STARD13: variants seen among roughly 807,000 people sequenced by gnomAD.
The protein encoded by STARD13 is stAR-related lipid transfer protein 13.
Under a neutral mutation model 106.4 loss-of-function variants are expected in STARD13, and 62 were observed. That is an observed-to-expected ratio of 0.58 (90% confidence interval 0.48 to 0.72). The LOEUF (loss-of-function observed/expected upper bound fraction) is 0.72. Among genes scored for constraint, STARD13 ranks in the 30% least tolerant of loss-of-function variants. The pLI, the probability that STARD13 is intolerant of heterozygous loss-of-function variation, is 0.00. For synonymous variants in STARD13, 565 were observed against 553.0 expected, an observed-to-expected ratio of 1.02 and a Z score of -0.31; for missense variants, 1,387 against 1,424.0, an observed-to-expected ratio of 0.97 and a Z score of 0.42.
At chr13:33,481,859 GT>G in the STARD13 span, among the ~76,000 whole-genome samples, 2 of 106,172 alleles carry the variant, frequency 1.9e-5, no homozygotes, top group African/African-American at 9.5e-5. Flanking sequence ...GCGGGCGCCT[GT>G]AAGTCCCAGC....
chr13:33,629,092 T>C, the STARD13 span, among the ~76,000 whole-genome samples: 1 of 152,232 alleles, frequency 6.6e-6, no homozygotes, highest in Non-Finnish European at 1.5e-5. Flanking sequence ...AAGAGACAGC[T>C]CTACTTCTTG....
At chr13:33,516,879 T>G in the STARD13 span, among the ~76,000 whole-genome samples, 1 of 150,648 alleles carries the variant, frequency 6.6e-6, no homozygotes, top group South Asian at 2.1e-4. Flanking sequence ...AGTTCGAGGT[T>G]GTAGTGAGCT....
At chr13:33,114,977 T>C (rs1875154668) in intron 8 of STARD13, among the ~76,000 whole-genome samples, 1 of 152,082 alleles carries the variant, frequency 6.6e-6, no homozygotes, top group South Asian at 2.1e-4. Flanking sequence ...TAGGTCTGAA[T>C]TTCTAAGTGT....
chr13:33,140,915 T>G (rs994429453), intron 4 of STARD13, among the ~76,000 whole-genome samples: 1 of 152,062 alleles, frequency 6.6e-6, no homozygotes, highest in East Asian at 1.9e-4. Flanking sequence ...TGTGCCACCA[T>G]GCCCAGCTAA....
chr13:33,356,620 A>C, the STARD13 span, among the ~76,000 whole-genome samples: 1 of 152,246 alleles, frequency 6.6e-6, no homozygotes, highest in Non-Finnish European at 1.5e-5. Flanking sequence ...CTTCCCTCAT[A>C]GGATTTTTGG....
intron 1 of STARD13, among the ~76,000 whole-genome samples, chr13:33,325,928 T>C (rs1378489410): frequency 7.5e-6 from 1 of 134,152 alleles, no homozygotes. Flanking sequence ...GAGCTTGCAG[T>C]GAGCCGAAAT....
At chr13:33,406,071 G>A in the STARD13 span, among the ~76,000 whole-genome samples, 1 of 152,174 alleles carries the variant, frequency 6.6e-6, no homozygotes, top group African/African-American at 2.4e-5. Context: ...TGTCCATCTA[G>A]CAAGTGGCAT....
the STARD13 span, among the ~76,000 whole-genome samples, chr13:33,463,344 G>A: frequency 6.6e-6 from 1 of 152,180 alleles, no homozygotes; most frequent in African/African-American, 2.4e-5. Context: ...CACAAATTAA[G>A]GAAGAGATTA....
intron 13 of STARD13, 127 bp from the exon 14 acceptor site, chr13:33,105,837 C>T: frequency 1.3e-6 from 1 of 747,716 alleles, no homozygotes; most frequent in African/African-American, 1.7e-5. Flanking sequence ...CGGGCTGCTG[C>T]CTTGAGGGGC....
intron 1 of STARD13, among the ~76,000 whole-genome samples, chr13:33,183,201 C>G (rs797210): frequency 0.24 from 36,149 of 152,154 alleles, 5,263 homozygotes; most frequent in Middle Eastern, 0.34. Context: ...CCCCATTAGA[C>G]CACAGCTCTT....
chr13:33,325,873 T>C (rs1322212173), intron 1 of STARD13, among the ~76,000 whole-genome samples: 1 of 150,598 alleles, frequency 6.6e-6, no homozygotes, highest in Non-Finnish European at 1.5e-5. Context: ...TAGTCCCAGC[T>C]ACTTGGGAGA....
At chr13:33,401,675 T>A in the STARD13 span, among the ~76,000 whole-genome samples, 1 of 152,124 alleles carries the variant, frequency 6.6e-6, no homozygotes, top group Non-Finnish European at 1.5e-5. Flanking sequence ...TCTTCCCAGC[T>A]CCCTCTCCAT....
chr13:33,174,309 G>C (rs986032456), intron 1 of STARD13, among the ~76,000 whole-genome samples: 1 of 151,898 alleles, frequency 6.6e-6, no homozygotes, highest in African/African-American at 2.4e-5. Flanking sequence ...ACACACTTAT[G>C]CATTTTTTTT....
At chr13:33,465,530 T>A in the STARD13 span, among the ~76,000 whole-genome samples, 3 of 152,140 alleles carry the variant, frequency 2.0e-5, no homozygotes, top group Non-Finnish European at 4.4e-5. Context: ...TGTATTTCTA[T>A]CATTCATCTT....
At chr13:33,296,570 A>G (rs892936866) in intron 1 of STARD13, among the ~76,000 whole-genome samples, 9 of 151,940 alleles carry the variant, frequency 5.9e-5, no homozygotes, top group African/African-American at 1.7e-4. Context: ...CGCATCCCCT[A>G]TCCCTGGGCC....
chr13:33,251,498 C>A (rs75416976), intron 1 of STARD13, among the ~76,000 whole-genome samples: 2,518 of 152,272 alleles, frequency 0.017, 86 homozygotes, highest in African/African-American at 0.057. Context: ...AGTTATCAAG[C>A]CTGAATAGCC....
the STARD13 span, among the ~76,000 whole-genome samples, chr13:33,454,553 A>G: frequency 2.6e-5 from 4 of 152,236 alleles, no homozygotes; most frequent in Admixed American, 6.5e-5. Context: ...TAAATTGCCA[A>G]AGGAGATACG....
At chr13:33,167,013 AC>A (rs781749976) in intron 2 of STARD13, among the ~76,000 whole-genome samples, 105 of 146,328 alleles carry the variant, frequency 7.2e-4, no homozygotes, top group South Asian at 2.0e-3. Context: ...CAAAAAAAAA[AC>A]CAAAAAAAAA....
chr13:33,522,689 T>C, the STARD13 span, among the ~76,000 whole-genome samples: 1 of 152,296 alleles, frequency 6.6e-6, no homozygotes, highest in Admixed American at 6.5e-5. Context: ...TACCTTTTTA[T>C]AAAGGCATTA....
Sources: allele counts gnomAD v4.1 joint callset (sites outside exome capture counted in the v4.1 genomes callset), GRCh38; gene constraint gnomAD v4.1.1; transcripts MANE v1.5; gene names NCBI Gene and HGNC (gene_info 2026-07-23, HGNC 2026-07-21).